NRXN1: variants seen among roughly 807,000 people sequenced by gnomAD.
NRXN1 encodes the protein neurexin-1.
In NRXN1, 39 loss-of-function variants were observed where a neutral mutation model predicts 150.9. The ratio of observed to expected loss-of-function variants is 0.26; its 90% CI spans 0.20 to 0.34. The LOEUF (loss-of-function observed/expected upper bound fraction) is 0.34, where lower values mean the gene tolerates loss of function less well. Among genes scored for constraint, NRXN1 ranks in the 10% least tolerant of loss-of-function variants. The pLI is 1.00. For missense variants in NRXN1, 1,815 were observed against 1,949.9 expected (o/e 0.93, Z 1.30); for synonymous variants, 924 against 757.0 (o/e 1.22, Z -3.62).
In NRXN1 at chr2:50,225,661, A is replaced by G. The variant is rs539550668; in HGVS notation, c.3546+11128T>C. Among the ~76,000 whole-genome samples, 6 of 152,060 alleles carry G rather than the reference A, an allele frequency of 3.9e-5. 1 individual carries two copies. In the South Asian group the frequency reaches 1.2e-3, roughly 32 times the overall value. On this transcript the variant is annotated intron_variant, in intron 18 of 22. Transcript: ENST00000401669. ...GAGAAGGACAGGTAGGAATAAGAGG[A>G]AGTAGGAGTACTTTAAAGAAAGGAA...
intron 12 of NRXN1, among the ~76,000 whole-genome samples, chr2:50,522,720 A>ATTTTTT (rs869200431): frequency 2.1e-4 from 10 of 47,720 alleles, no homozygotes; most frequent in Admixed American, 6.8e-4. Context: ...ATTTTTATTC[A>ATTTTTT]TTTTTTTTTT....
At chr2:50,252,095 T>C (rs913174640) in intron 17 of NRXN1, among the ~76,000 whole-genome samples, 6 of 151,926 alleles carry the variant, frequency 3.9e-5, no homozygotes, top group African/African-American at 9.7e-5. Flanking sequence ...GTTTTTGTCA[T>C]GAAATCTTTA....
intron 17 of NRXN1, among the ~76,000 whole-genome samples, chr2:50,256,995 G>T (rs1295148084): frequency 6.6e-6 from 1 of 151,934 alleles, no homozygotes; most frequent in Non-Finnish European, 1.5e-5. Flanking sequence ...GTATTTCTGG[G>T]TCTCATATTG....
intron 8 of NRXN1, chr2:50,588,936 G>A (rs963678947): frequency 3.3e-5 from 5 of 152,072 alleles, no homozygotes; most frequent in Non-Finnish European, 7.4e-5. Context: ...ATAAATCCTA[G>A]GAAACCAATT....
chr2:50,214,171 A>G (rs982875483), intron 18 of NRXN1, among the ~76,000 whole-genome samples: 3 of 151,976 alleles, frequency 2.0e-5, no homozygotes, highest in Non-Finnish European at 4.4e-5. Flanking sequence ...CTGAGTAACA[A>G]TATCTTCTTT....
At chr2:50,821,931 T>G (rs1011221293) in intron 5 of NRXN1, among the ~76,000 whole-genome samples, 9 of 152,142 alleles carry the variant, frequency 5.9e-5, no homozygotes, top group Non-Finnish European at 1.0e-4. Context: ...ATTTATTTAT[T>G]TTTAATTTTC....
intron 22 of NRXN1, among the ~76,000 whole-genome samples, chr2:49,940,704 A>T (rs1439236450): frequency 6.6e-6 from 1 of 152,228 alleles, no homozygotes; most frequent in Non-Finnish European, 1.5e-5. Flanking sequence ...AGCCACCTTC[A>T]TATGAAGCAT....
intron 18 of NRXN1, among the ~76,000 whole-genome samples, chr2:50,194,693 T>C (rs2061648680): frequency 6.6e-6 from 1 of 152,166 alleles, no homozygotes; most frequent in Admixed American, 6.6e-5. Flanking sequence ...TTAATTCCTC[T>C]GGAAATTTAA....
intron 18 of NRXN1, among the ~76,000 whole-genome samples, chr2:50,190,487 T>G (rs1351931645): frequency 6.6e-6 from 1 of 152,184 alleles, no homozygotes; most frequent in Non-Finnish European, 1.5e-5. Flanking sequence ...TAGTATTAAC[T>G]AAGGCTTTAT....
intron 5 of NRXN1, among the ~76,000 whole-genome samples, chr2:50,725,212 T>C (rs1227288658): frequency 6.6e-6 from 1 of 152,128 alleles, no homozygotes; most frequent in African/African-American, 2.4e-5. Context: ...AAAACCTTTT[T>C]TTTTTAACCT....
chr2:50,663,765 TG>T (rs1687633429), intron 5 of NRXN1, among the ~76,000 whole-genome samples: 1 of 152,066 alleles, frequency 6.6e-6, no homozygotes, highest in African/African-American at 2.4e-5. Context: ...ACAATCTATG[TG>T]TGTCACAGTA....
At chr2:50,542,447 T>C (rs551589405) in intron 9 of NRXN1, among the ~76,000 whole-genome samples, 14 of 152,302 alleles carry the variant, frequency 9.2e-5, no homozygotes, top group African/African-American at 3.4e-4. Flanking sequence ...GGCAAATGGA[T>C]GGATCAGATA....
intron 5 of NRXN1, among the ~76,000 whole-genome samples, chr2:50,711,573 T>A (rs1197585225): frequency 6.6e-6 from 1 of 152,054 alleles, no homozygotes; most frequent in Non-Finnish European, 1.5e-5. Context: ...TGACCTCAGA[T>A]GATCCAGTCA....
At chr2:50,625,928 T>C (rs1370108581) in intron 5 of NRXN1, among the ~76,000 whole-genome samples, 1 of 152,072 alleles carries the variant, frequency 6.6e-6, no homozygotes, top group Non-Finnish European at 1.5e-5. Context: ...ATAAATCGTA[T>C]GTTATTATGA....
chr2:50,062,572 G>A (rs924364976), intron 19 of NRXN1, among the ~76,000 whole-genome samples: 25 of 152,046 alleles, frequency 1.6e-4, no homozygotes, highest in Admixed American at 1.3e-4. Flanking sequence ...GCAGACTTCC[G>A]GGAAATGAGA....
intron 5 of NRXN1, among the ~76,000 whole-genome samples, chr2:50,769,372 A>G (rs1235057885): frequency 6.6e-6 from 1 of 152,082 alleles, no homozygotes; most frequent in Non-Finnish European, 1.5e-5. Context: ...ATGCACTAAC[A>G]TCATTTCCCT....
intron 5 of NRXN1, among the ~76,000 whole-genome samples, chr2:50,843,825 C>T (rs1451187053): frequency 6.6e-6 from 1 of 152,164 alleles, no homozygotes; most frequent in Admixed American, 6.5e-5. Context: ...TGCCCTAAAA[C>T]TTCTCTGAAC....
chr2:51,020,014 T>C lies in NRXN1; in HGVS notation c.772+7488A>G, dbSNP rs1241559396. On this transcript the variant is annotated intron_variant, in intron 2 of 22. Coordinates refer to ENST00000401669, the MANE Select transcript of NRXN1 (RefSeq NM_001330078.2). Reference sequence around the variant, plus strand: ...TAACTAAGCTTTTTTGTATATTCAGTGCATTGGTATTCACTGAACAGCATT... The same window carrying C: ...TAACTAAGCTTTTTTGTATATTCAGCGCATTGGTATTCACTGAACAGCATT... 2.6e-5 allele frequency among the ~76,000 whole-genome samples: 4 copies of C among 151,952 alleles called. No homozygotes were observed. The South Asian group carries it at 8.3e-4, about 31-fold the overall frequency.
intron 5 of NRXN1, among the ~76,000 whole-genome samples, chr2:50,895,568 G>GT (rs138568275): frequency 0.085 from 12,291 of 145,444 alleles, 616 homozygotes; most frequent in Middle Eastern, 0.17. Context: ...TTTTTTGGTT[G>GT]TTTTTTTTGT....
Sources: gnomAD v4.1 joint callset for allele counts (sites outside exome capture counted in the v4.1 genomes callset) on GRCh38, gnomAD v4.1.1 for gene constraint, MANE v1.5 for transcripts, NCBI Gene and HGNC (gene_info 2026-07-23, HGNC 2026-07-21) for gene names.